NCKAP5: variants seen among roughly 807,000 people sequenced by gnomAD.
NCKAP5 encodes NCK associated protein 5.
A neutral mutation model predicts 167.0 loss-of-function variants in NCKAP5; 92 were observed. The ratio of observed to expected loss-of-function variants is 0.55; its 90% CI spans 0.47 to 0.66. The LOEUF (loss-of-function observed/expected upper bound fraction) is 0.66, where lower values mean the gene tolerates loss of function less well. Among genes scored for constraint, NCKAP5 ranks in the 30% least tolerant of loss-of-function variants. The pLI, the probability that NCKAP5 is intolerant of heterozygous loss-of-function variation, is 0.00. For synonymous variants in NCKAP5, 891 were observed against 877.4 expected (o/e 1.02, Z -0.27); for missense variants, 2,378 against 2,315.0 (o/e 1.03, Z -0.56).
intron 5 of NCKAP5, among the ~76,000 whole-genome samples, chr2:133,168,012 G>A (rs1380894830): frequency 6.6e-6 from 1 of 152,052 alleles, no homozygotes; most frequent in African/African-American, 2.4e-5. Context: ...CTGTTTGCAA[G>A]GTACTATTTT....
the NCKAP5 span, among the ~76,000 whole-genome samples, chr2:133,585,982 G>C: frequency 6.6e-6 from 1 of 152,156 alleles, no homozygotes; most frequent in African/African-American, 2.4e-5. Flanking sequence ...CATTAAAAAA[G>C]AAAAAGTGAG....
Position 133,021,684 on chromosome 2 carries a change from T to C in NCKAP5, c.342-27445A>G, listed in dbSNP as rs576470843. Among the ~76,000 whole-genome samples, 458 of 152,260 alleles carry C rather than the reference T, an allele frequency of 3.0e-3. 1 individual carries two copies. The highest frequency in any genetic ancestry group is 4.7e-3 in the Non-Finnish European group (322 of 68,028). On this transcript the variant is annotated intron_variant, in intron 6 of 19. Coordinates refer to ENST00000409261, the MANE Select transcript of NCKAP5 (RefSeq NM_207363.3). ...TCTTGCTCTGTCGCCCAGGCGGGAGTGCAGTGGCTCAGTCTCAGTTCACTA... is the reference window on the plus strand; with the variant it reads ...TCTTGCTCTGTCGCCCAGGCGGGAGCGCAGTGGCTCAGTCTCAGTTCACTA...
chr2:133,656,037 C>G, the NCKAP5 span, among the ~76,000 whole-genome samples: 1 of 152,148 alleles, frequency 6.6e-6, no homozygotes, highest in East Asian at 1.9e-4. Flanking sequence ...TTTCTTCTTA[C>G]GGATTTTCAA....
chr2:133,056,471 A>T (rs112166264), intron 6 of NCKAP5, among the ~76,000 whole-genome samples: 1,819 of 152,268 alleles, frequency 0.012, 35 homozygotes, highest in African/African-American at 0.041. Context: ...TCAAGTTTTT[A>T]AAATGCTGAT....
At chr2:133,098,460 T>G (rs2081408786) in intron 6 of NCKAP5, among the ~76,000 whole-genome samples, 2 of 152,350 alleles carry the variant, frequency 1.3e-5, no homozygotes, top group South Asian at 2.1e-4. Flanking sequence ...AGGCACTAAT[T>G]TTAAAGTGTT....
At chr2:132,959,228 G>T (rs1280559861) in intron 8 of NCKAP5, among the ~76,000 whole-genome samples, 1 of 151,854 alleles carries the variant, frequency 6.6e-6, no homozygotes, top group African/African-American at 2.4e-5. Context: ...CTTATGCACA[G>T]CACTGTAATT....
At chr2:133,506,632 C>T (rs1406128244) in intron 3 of NCKAP5, among the ~76,000 whole-genome samples, 2 of 152,196 alleles carry the variant, frequency 1.3e-5, no homozygotes, top group Non-Finnish European at 2.9e-5. Flanking sequence ...ATGGTTCACT[C>T]CTTATAGCCA....
chr2:133,238,334 GC>G (rs2087520173), intron 4 of NCKAP5, among the ~76,000 whole-genome samples: 1 of 152,134 alleles, frequency 6.6e-6, no homozygotes, highest in Non-Finnish European at 1.5e-5. Flanking sequence ...ATGGGTCATG[GC>G]GAAGGCAGTG....
rs1401799972 is a variant in NCKAP5 at position 133,547,909 on chromosome 2, T to TTCTCTTCTTGA, written c.-62+11140_-62+11141insTCAAGAAGAGA. 1.5e-3 allele frequency among the ~76,000 whole-genome samples: 221 copies of TTCTCTTCTTGA among 147,238 alleles called. 2 individuals are homozygous for TTCTCTTCTTGA. Among genetic ancestry groups the TTCTCTTCTTGA allele is most frequent in the Admixed American group, 0.014 (208 of 14,712 alleles). On this transcript the variant is annotated intron_variant, in intron 2 of 19. Coordinates refer to ENST00000409261, the MANE Select transcript of NCKAP5 (RefSeq NM_207363.3). ...CTTTGACGAGCTGAGAGAAGAAGGC[T>TTCTCTTCTTGA]TCAGACGATCAAATTACTCTGAGCT... is the stretch of plus-strand genomic sequence containing the variant.
At chr2:133,077,897 C>T (rs1221567477) in intron 6 of NCKAP5, among the ~76,000 whole-genome samples, 2 of 152,192 alleles carry the variant, frequency 1.3e-5, no homozygotes, top group Non-Finnish European at 2.9e-5. Context: ...CAGGGAAGGT[C>T]CTTTTCCATC....
At chr2:133,611,281 C>T in the NCKAP5 span, among the ~76,000 whole-genome samples, 8 of 151,860 alleles carry the variant, frequency 5.3e-5, no homozygotes, top group Non-Finnish European at 7.4e-5. Context: ...CCCGCCACCA[C>T]CTCCTCCATC....
At chr2:132,980,119 A>G (rs2077089772) in intron 7 of NCKAP5, among the ~76,000 whole-genome samples, 1 of 151,276 alleles carries the variant, frequency 6.6e-6, no homozygotes, top group Non-Finnish European at 1.5e-5. Context: ...CCTCCCAGGT[A>G]GCTGGGACTA....
At chr2:132,680,710 T>C (rs1317765716) in intron 19 of NCKAP5, among the ~76,000 whole-genome samples, 1 of 152,060 alleles carries the variant, frequency 6.6e-6, no homozygotes, top group African/African-American at 2.4e-5. Context: ...GGGGGAAAGA[T>C]GGGAGGGGAT....
chr2:133,491,575 C>A (rs903047871), intron 3 of NCKAP5, among the ~76,000 whole-genome samples: 1 of 152,214 alleles, frequency 6.6e-6, no homozygotes, highest in African/African-American at 2.4e-5. Flanking sequence ...CTCTATTCTT[C>A]TGATATTCTA....
At chr2:133,363,612 T>C (rs1027798915) in intron 3 of NCKAP5, among the ~76,000 whole-genome samples, 9 of 152,190 alleles carry the variant, frequency 5.9e-5, no homozygotes, top group Admixed American at 3.9e-4. Context: ...AAGCTCCTTA[T>C]GGATTGTAGT....
intron 16 of NCKAP5, among the ~76,000 whole-genome samples, chr2:132,761,467 C>A (rs774742828): frequency 3.3e-5 from 5 of 152,214 alleles, no homozygotes; most frequent in African/African-American, 9.6e-5. Context: ...TTCTCTTGCT[C>A]CTATGGATTC....
chr2:132,971,787 G>A (rs561122061), intron 7 of NCKAP5, among the ~76,000 whole-genome samples: 4 of 152,300 alleles, frequency 2.6e-5, no homozygotes, highest in Admixed American at 6.5e-5. Context: ...CAGCATCAGA[G>A]TTGACAGGGG....
chr2:133,021,519 C>T (rs769965227), intron 6 of NCKAP5, among the ~76,000 whole-genome samples: 3 of 152,252 alleles, frequency 2.0e-5, no homozygotes, highest in Admixed American at 6.5e-5. Context: ...CATATAAGTG[C>T]ATACACATCT....
chr2:132,781,103 G>A lies in NCKAP5; in HGVS notation c.4998C>T (p.His1666=). 3 of 1,613,768 alleles carry A rather than the reference G, an allele frequency of 1.9e-6. No homozygotes were observed. The highest frequency in any genetic ancestry group is 1.7e-6 in the Non-Finnish European group (2 of 1,179,818). ...CGGCTTTGATTTTCATGTTTTTCTT[G>A]TGGTTTCCTTGAGTACTGATAGAGC... ...IGSSISTQGN[H]KKNMKIKADM... is the part of the protein sequence containing the mutation. The change falls in exon 15 of 20, where the codon CAC becomes CAT. Residue 1666 remains histidine (H), a synonymous_variant. Transcript: ENST00000409261.
Sources: allele counts gnomAD v4.1 joint callset (sites outside exome capture counted in the v4.1 genomes callset), GRCh38; gene constraint gnomAD v4.1.1; transcripts MANE v1.5; gene names NCBI Gene and HGNC (gene_info 2026-07-23, HGNC 2026-07-21).